CDK14: variants seen among roughly 807,000 people sequenced by gnomAD.
CDK14 encodes cyclin dependent kinase 14, also known as cyclin-dependent kinase 14.
A neutral mutation model predicts 60.7 loss-of-function variants in CDK14; 34 were observed. That is an observed-to-expected ratio of 0.56 (90% CI 0.43 to 0.75). The LOEUF (loss-of-function observed/expected upper bound fraction) is 0.75. Among genes scored for constraint, CDK14 ranks in the 30% least tolerant of loss-of-function variants. The probability of loss-of-function intolerance (pLI) is 0.00; values close to 1 mark genes in which losing one functional copy is unlikely to be tolerated. For missense variants in CDK14, 482 were observed against 564.1 expected (o/e 0.85, Z 1.47); for synonymous variants, 197 against 203.7 (o/e 0.97, Z 0.28).
chr7:90,701,390 A>G (rs745812369), intron 2 of CDK14, among the ~76,000 whole-genome samples: 20 of 152,198 alleles, frequency 1.3e-4, no homozygotes, highest in Non-Finnish European at 1.6e-4. Flanking sequence ...CTAATGTTCT[A>G]TGGCTTTCCT....
At chr7:90,725,621 G>A (rs1274943146) in intron 2 of CDK14, among the ~76,000 whole-genome samples, 1 of 152,110 alleles carries the variant, frequency 6.6e-6, no homozygotes, top group Non-Finnish European at 1.5e-5. Flanking sequence ...AAGAAGAAAA[G>A]CATTCTAAAA....
chr7:90,649,289 T>C (rs868729820), intron 2 of CDK14, among the ~76,000 whole-genome samples: 7 of 64,670 alleles, frequency 1.1e-4, no homozygotes, highest in African/African-American at 3.1e-4. Context: ...TCTTTCTTTC[T>C]TTCTTTCTTT....
chr7:90,850,786 G>GTT (rs1474527404), intron 5 of CDK14, among the ~76,000 whole-genome samples: 1 of 152,106 alleles, frequency 6.6e-6, no homozygotes, highest in Admixed American at 6.5e-5. Flanking sequence ...CTGTTGAGAG[G>GTT]TTTTAAGAAG....
intron 11 of CDK14, among the ~76,000 whole-genome samples, chr7:91,054,179 G>A (rs1188812419): frequency 2.8e-5 from 4 of 145,274 alleles, no homozygotes; most frequent in Non-Finnish European, 4.5e-5. Flanking sequence ...TTTACCTCAG[G>A]AATTTTAAAT....
intron 4 of CDK14, among the ~76,000 whole-genome samples, chr7:90,751,558 A>G (rs1021413652): frequency 1.3e-5 from 2 of 152,342 alleles, no homozygotes; most frequent in Non-Finnish European, 2.9e-5. Context: ...ACCCACTACC[A>G]CAAAAACACA....
chr7:91,032,755 T>C (rs1796800015), intron 10 of CDK14, among the ~76,000 whole-genome samples: 1 of 152,214 alleles, frequency 6.6e-6, no homozygotes, highest in South Asian at 2.1e-4. Context: ...GCTCCAGAAC[T>C]GTGAGAGAGC....
At chr7:90,818,433 T>A (rs2117068570) in intron 5 of CDK14, among the ~76,000 whole-genome samples, 1 of 152,316 alleles carries the variant, frequency 6.6e-6, no homozygotes, top group Admixed American at 6.5e-5. Context: ...ACCACACAAA[T>A]TTGTTTTCAA....
At chr7:90,927,479 G>A (rs1793453968) in intron 8 of CDK14, among the ~76,000 whole-genome samples, 1 of 152,102 alleles carries the variant, frequency 6.6e-6, no homozygotes, top group Admixed American at 6.5e-5. Flanking sequence ...GACCTGGGAT[G>A]AAGACCAAAT....
intron 7 of CDK14, among the ~76,000 whole-genome samples, 169 bp from the exon 8 acceptor site, chr7:90,917,432 T>C (rs1307750331): frequency 6.6e-6 from 1 of 152,220 alleles, no homozygotes; most frequent in Non-Finnish European, 1.5e-5. Flanking sequence ...TCTAAATGAA[T>C]TAGGAATTTA....
intron 5 of CDK14, among the ~76,000 whole-genome samples, chr7:90,820,776 C>T (rs368818511): frequency 6.6e-6 from 1 of 152,160 alleles, no homozygotes; most frequent in South Asian, 2.1e-4. Flanking sequence ...TTTCAGAAAA[C>T]CTACTATAAC....
At chr7:91,016,350 C>G (rs899255051) in intron 10 of CDK14, among the ~76,000 whole-genome samples, 1 of 151,750 alleles carries the variant, frequency 6.6e-6, no homozygotes, top group Non-Finnish European at 1.5e-5. Context: ...GAATCACAGA[C>G]TGAATTTTGT....
At chr7:90,651,335 C>T (rs1657538708) in intron 2 of CDK14, among the ~76,000 whole-genome samples, 2 of 152,120 alleles carry the variant, frequency 1.3e-5, no homozygotes, top group Admixed American at 6.5e-5. Context: ...ACTGTGTGCC[C>T]CACCCCCCAT....
intron 9 of CDK14, among the ~76,000 whole-genome samples, chr7:90,957,353 G>A (rs572438724): frequency 5.3e-5 from 8 of 152,212 alleles, no homozygotes; most frequent in Admixed American, 2.6e-4. Context: ...TCTGGCCAGG[G>A]CAATTAGGCA....
intron 11 of CDK14, among the ~76,000 whole-genome samples, chr7:91,054,758 CAGAGCTCACATGCT>C (rs1457129466): frequency 9.9e-5 from 15 of 152,134 alleles, no homozygotes; most frequent in African/African-American, 3.6e-4. Flanking sequence ...CTTTTTCTTG[CAGAGCTCACATGCT>C]AGAGAGGGGA....
intron 2 of CDK14, among the ~76,000 whole-genome samples, chr7:90,724,523 G>A (rs1802565916): frequency 6.6e-6 from 1 of 151,006 alleles, no homozygotes; most frequent in African/African-American, 2.4e-5. Context: ...TGGAAGCTGA[G>A]GTTATTGCTT....
intron 14 of CDK14, among the ~76,000 whole-genome samples, chr7:91,145,798 C>T (rs1363763383): frequency 6.6e-6 from 1 of 152,128 alleles, no homozygotes; most frequent in Non-Finnish European, 1.5e-5. Flanking sequence ...CTCCTTAAGT[C>T]TATTTAAATT....
At chr7:90,687,726 A>T (rs954423225) in intron 2 of CDK14, among the ~76,000 whole-genome samples, 1 of 152,162 alleles carries the variant, frequency 6.6e-6, no homozygotes, top group African/African-American at 2.4e-5. Context: ...GATTTCAGTT[A>T]TTTAAAACAT....
intron 9 of CDK14, among the ~76,000 whole-genome samples, chr7:90,959,879 C>T (rs1401262835): frequency 6.6e-6 from 1 of 152,130 alleles, no homozygotes; most frequent in Non-Finnish European, 1.5e-5. Flanking sequence ...ATTGTTTTAT[C>T]TCCCTCTGTA....
chr7:91,114,326 A>G (rs1053371238), intron 13 of CDK14, among the ~76,000 whole-genome samples: 1 of 152,160 alleles, frequency 6.6e-6, no homozygotes, highest in South Asian at 2.1e-4. Flanking sequence ...TCCAGTTTCT[A>G]TCAGTGAGTA....
Sources: allele counts gnomAD v4.1 joint callset (sites outside exome capture counted in the v4.1 genomes callset), GRCh38; gene constraint gnomAD v4.1.1; transcripts MANE v1.5; gene names NCBI Gene and HGNC (gene_info 2026-07-23, HGNC 2026-07-21).